PPFIA2: variants seen among roughly 807,000 people sequenced by gnomAD.
PPFIA2 encodes PPFI scaffold protein A2.
Under a neutral mutation model 175.5 loss-of-function variants are expected in PPFIA2, and 46 were observed. The observed-to-expected ratio is 0.26, with a 90% CI of 0.21 to 0.34. The LOEUF is 0.34. PPFIA2 is among the 10% of genes least tolerant of loss of function. PPFIA2 has a pLI of 1.00. For synonymous variants in PPFIA2, 568 were observed against 511.4 expected, an observed-to-expected ratio of 1.11 and a Z score of -1.49; for missense variants, 1,179 against 1,506.1, an observed-to-expected ratio of 0.78 and a Z score of 3.60.
At chr12:81,607,364 T>G (rs530658208) in intron 4 of PPFIA2, among the ~76,000 whole-genome samples, 140 of 152,228 alleles carry the variant, frequency 9.2e-4, no homozygotes, top group African/African-American at 3.2e-3. Flanking sequence ...TTGATAGAAG[T>G]AGTTGAATCT....
At chr12:81,754,272 A>G in intron 2 of PPFIA2, 49 bp from the exon 3 acceptor site, 1 of 1,535,772 alleles carries the variant, frequency 6.5e-7, no homozygotes, top group Non-Finnish European at 8.8e-7. Context: ...ATGATTTCCA[A>G]TAATTTCATT....
chr12:81,316,627 T>C (rs2052422904), intron 22 of PPFIA2, among the ~76,000 whole-genome samples: 1 of 151,612 alleles, frequency 6.6e-6, no homozygotes, highest in Non-Finnish European at 1.5e-5. Context: ...CATCTCGTGT[T>C]TTGAAATCCT....
chr12:81,309,655 C>A (rs1006849678), intron 22 of PPFIA2, among the ~76,000 whole-genome samples: 2 of 151,978 alleles, frequency 1.3e-5, no homozygotes, highest in Non-Finnish European at 2.9e-5. Context: ...ACATGCTAGG[C>A]TGTTTAGATT....
chr12:81,384,589 C>T (rs186974148), intron 8 of PPFIA2, among the ~76,000 whole-genome samples: 15 of 151,932 alleles, frequency 9.9e-5, no homozygotes, highest in African/African-American at 2.6e-4. Context: ...TATTAATTTA[C>T]AATGCTATGA....
intron 4 of PPFIA2, among the ~76,000 whole-genome samples, chr12:81,474,301 C>T (rs901123208): frequency 6.6e-6 from 1 of 152,154 alleles, no homozygotes; most frequent in African/African-American, 2.4e-5. Flanking sequence ...GAATTACAGG[C>T]ATCTACCGCC....
intron 3 of PPFIA2, among the ~76,000 whole-genome samples, chr12:81,736,582 G>A (rs764037039): frequency 6.6e-6 from 1 of 151,888 alleles, no homozygotes; most frequent in African/African-American, 2.4e-5. Flanking sequence ...AACGCCGGAG[G>A]AAGTAAGAGT....
intron 25 of PPFIA2, among the ~76,000 whole-genome samples, chr12:81,283,533 T>C (rs945259262): frequency 1.3e-5 from 2 of 151,926 alleles, no homozygotes; most frequent in African/African-American, 4.8e-5. Flanking sequence ...AAAACTAAAC[T>C]AAAAATGAAA....
chr12:81,642,647 C>CATTATGTATATATTATATACATA (rs1567685013), intron 4 of PPFIA2, among the ~76,000 whole-genome samples: 12 of 80,496 alleles, frequency 1.5e-4, no homozygotes, highest in South Asian at 4.3e-4. Context: ...TATATACATA[C>CATTATGTATATATTATATACATA]ATGTATGTAT....
At chr12:81,690,028 G>A (rs1265092402) in intron 3 of PPFIA2, among the ~76,000 whole-genome samples, 2 of 152,002 alleles carry the variant, frequency 1.3e-5, no homozygotes, top group Non-Finnish European at 2.9e-5. Context: ...TATAAAGCAG[G>A]GACATGGCTC....
At chr12:81,409,073 T>C (rs2043429958) in intron 7 of PPFIA2, among the ~76,000 whole-genome samples, 1 of 152,176 alleles carries the variant, frequency 6.6e-6, no homozygotes, top group African/African-American at 2.4e-5. Flanking sequence ...GAGCCTAAGG[T>C]AGCACAGACT....
chr12:81,411,227 G>A (rs1332647593), intron 7 of PPFIA2, among the ~76,000 whole-genome samples: 2 of 152,074 alleles, frequency 1.3e-5, no homozygotes, highest in African/African-American at 4.8e-5. Flanking sequence ...CGCACTGTAA[G>A]TTGTTTAATA....
At chr12:81,492,524 T>G (rs2059532253) in intron 4 of PPFIA2, among the ~76,000 whole-genome samples, 1 of 151,972 alleles carries the variant, frequency 6.6e-6, no homozygotes, top group Non-Finnish European at 1.5e-5. Flanking sequence ...TAGATAGAGA[T>G]GGCAGAAAAC....
intron 4 of PPFIA2, among the ~76,000 whole-genome samples, chr12:81,663,136 G>T (rs914306159): frequency 1.3e-5 from 2 of 152,148 alleles, no homozygotes; most frequent in Non-Finnish European, 2.9e-5. Context: ...CACAAGACAG[G>T]GAGTCCCTCT....
chr12:81,610,484 G>A (rs533077402), intron 4 of PPFIA2, among the ~76,000 whole-genome samples: 1 of 152,082 alleles, frequency 6.6e-6, no homozygotes, highest in East Asian at 1.9e-4. Flanking sequence ...TGGTCTTTAA[G>A]CTCTGAGATT....
At chr12:81,653,099 A>T (rs2067257741) in intron 4 of PPFIA2, among the ~76,000 whole-genome samples, 1 of 152,122 alleles carries the variant, frequency 6.6e-6, no homozygotes. Context: ...GTATTAGCCT[A>T]GCCCTTTACC....
chr12:81,374,992 C>A (rs1402373727), intron 10 of PPFIA2, among the ~76,000 whole-genome samples: 2 of 152,040 alleles, frequency 1.3e-5, no homozygotes, highest in African/African-American at 4.8e-5. Flanking sequence ...TTACCACTGG[C>A]AGCAAAAAGG....
rs531428781 is a variant in PPFIA2, at chr12:81,626,219, A to G, written c.303+50572T>C. 2.0e-5 allele frequency among the ~76,000 whole-genome samples: 3 copies of G among 151,848 alleles called. No individual in the cohort carries two copies. In the South Asian group the frequency reaches 6.2e-4, roughly 31 times the overall value. On this transcript the variant is annotated intron_variant, in intron 4 of 32. Transcript: ENST00000549396. ...GAGGATTCATACTAGGTTAAAAAAA[A>G]GGGGGTGGGATGGGGGCTCTAAAGC...
intron 4 of PPFIA2, among the ~76,000 whole-genome samples, chr12:81,485,659 A>G (rs936496865): frequency 3.3e-5 from 5 of 151,942 alleles, no homozygotes; most frequent in Non-Finnish European, 5.9e-5. Flanking sequence ...TAATAAAGGT[A>G]TTTCAAATTT....
At chr12:81,382,430 G>A (rs1405072558) in intron 9 of PPFIA2, among the ~76,000 whole-genome samples, 1 of 152,152 alleles carries the variant, frequency 6.6e-6, no homozygotes, top group Non-Finnish European at 1.5e-5. Flanking sequence ...AAGCTGCTGT[G>A]TTGAGCACAG....
Sources: allele counts gnomAD v4.1 joint callset (sites outside exome capture counted in the v4.1 genomes callset), GRCh38; gene constraint gnomAD v4.1.1; transcripts MANE v1.5; gene names NCBI Gene and HGNC (gene_info 2026-07-23, HGNC 2026-07-21).